The following FOXP1 variants were observed in gnomAD, a reference collection of about 807,000 sequenced individuals.
FOXP1 encodes the protein forkhead box protein P1.
A neutral mutation model predicts 98.2 loss-of-function variants in FOXP1; 15 were observed. The observed-to-expected ratio is 0.15, with a 90% CI of 0.10 to 0.24. FOXP1 has a LOEUF of 0.24. Among genes scored for constraint, FOXP1 ranks in the 10% least tolerant of loss-of-function variants. The probability of loss-of-function intolerance (pLI) is 1.00; values close to 1 mark genes in which losing one functional copy is unlikely to be tolerated. For synonymous variants in FOXP1, 371 were observed against 314.5 expected, an observed-to-expected ratio of 1.18 and a Z score of -1.90; for missense variants, 633 against 848.5, an observed-to-expected ratio of 0.75 and a Z score of 3.15.
At chr3:71,043,092 A>G (rs2048566743) in intron 10 of FOXP1, among the ~76,000 whole-genome samples, 1 of 152,166 alleles carries the variant, frequency 6.6e-6, no homozygotes, top group South Asian at 2.1e-4. Context: ...AGCGTTAACA[A>G]AAACAGTTGG....
chr3:71,071,621 C>G (rs1206205779), intron 7 of FOXP1, among the ~76,000 whole-genome samples: 2 of 152,284 alleles, frequency 1.3e-5, no homozygotes, highest in Non-Finnish European at 2.9e-5. Context: ...GTCACCCAGC[C>G]TGGAGTGCAA....
intron 5 of FOXP1, chr3:71,296,186 A>G (rs1222000818): frequency 1.3e-5 from 2 of 152,204 alleles, no homozygotes; most frequent in African/African-American, 4.8e-5. Flanking sequence ...CTTTGTAGGC[A>G]TATTTCTGTG....
intron 3 of FOXP1, among the ~76,000 whole-genome samples, chr3:71,416,584 ACACACACACGC>A (rs781543399): frequency 6.9e-5 from 9 of 130,850 alleles, no homozygotes; most frequent in Non-Finnish European, 1.3e-4. Flanking sequence ...ACACACACAC[ACACACACACGC>A]AAAAAAAAAT....
At chr3:71,582,938 G>A in intron 1 of FOXP1, 2 of 416,894 alleles carry the variant, frequency 4.8e-6, no homozygotes, top group Non-Finnish European at 6.4e-6. Flanking sequence ...GGGGCCCGCG[G>A]GGCAGCTCAA....
chr3:71,444,148 C>A (rs1449062281), intron 3 of FOXP1, among the ~76,000 whole-genome samples: 1 of 152,180 alleles, frequency 6.6e-6, no homozygotes, highest in African/African-American at 2.4e-5. Flanking sequence ...GACTGGCCTG[C>A]GCCAACCACA....
At position 71,041,426 on chromosome 3, in the gene FOXP1, T is replaced by A. The variant is rs769711833; in HGVS notation, c.771A>T (p.Thr257=). Residue 257 remains threonine (T), a synonymous_variant, in exon 11 of 21, where the codon ACA becomes ACT. Transcript: ENST00000649528. Reference sequence around the variant, plus strand: ...TGGAAGGTGCAGAGGAGGAGACACATGTCGTGGTCAGATCCAAACTGCTGT... The same window carrying A: ...TGGAAGGTGCAGAGGAGGAGACACAAGTCGTGGTCAGATCCAAACTGCTGT... The part of the protein sequence containing the change: ...NNHSSLDLTT[T]CVSSSAPSKT... The A allele has an allele frequency of 6.2e-7, 1 of 1,613,896 alleles. No individual in the cohort carries two copies. The highest frequency in any genetic ancestry group is 2.2e-5 in the East Asian group (1 of 44,870).
Position 71,070,529 on chromosome 3 carries a change from CA to C in FOXP1, c.283-16757del, listed in dbSNP as rs533379941. ...GATCCAAAAAACGGAAGAGAAAAAGCAAAAGAAGAGTACTTGCTTATCCTTT... is the reference window on the plus strand; with the variant it reads ...GATCCAAAAAACGGAAGAGAAAAAGCAAAGAAGAGTACTTGCTTATCCTTT... On this transcript the variant is annotated intron_variant, in intron 7 of 20. Transcript: ENST00000649528. 1.3e-3 allele frequency among the ~76,000 whole-genome samples: 203 copies of C among 152,240 alleles called. 2 individuals carry two copies. The highest frequency in any genetic ancestry group is 2.5e-3 in the Non-Finnish European group (173 of 68,002).
intron 5 of FOXP1, among the ~76,000 whole-genome samples, chr3:71,218,796 C>T (rs766928776): frequency 6.6e-6 from 1 of 152,196 alleles, no homozygotes; most frequent in Admixed American, 6.5e-5. Flanking sequence ...GGGGCCCCTA[C>T]TCTCAAGCAC....
At chr3:71,411,278 CGTGTGTGTGTGTGTGTGTGT>C (rs58267668) in intron 3 of FOXP1, among the ~76,000 whole-genome samples, 8 of 141,784 alleles carry the variant, frequency 5.6e-5, no homozygotes, top group Middle Eastern at 3.6e-3. Flanking sequence ...GCTGAATGGG[CGTGTGTGTGTGTGTGTGTGT>C]GTGTGTGTGT....
chr3:70,970,966 G>C (rs905014456), intron 18 of FOXP1, 161 bp from the exon 19 acceptor site: 2 of 670,414 alleles, frequency 3.0e-6, no homozygotes, highest in Admixed American at 2.1e-5. Context: ...CTGATTTGCA[G>C]GGCGGGTGTG....
chr3:71,478,591 C>A (rs901932092), intron 3 of FOXP1, among the ~76,000 whole-genome samples: 3 of 152,206 alleles, frequency 2.0e-5, no homozygotes, highest in Admixed American at 6.5e-5. Flanking sequence ...ACAGCCTGCA[C>A]TTATTTATTT....
chr3:71,382,888 C>T (rs770713198), intron 3 of FOXP1, among the ~76,000 whole-genome samples: 7 of 152,222 alleles, frequency 4.6e-5, no homozygotes, highest in Non-Finnish European at 1.0e-4. Context: ...AATCCTTTGA[C>T]GGCATCTCCT....
intron 5 of FOXP1, among the ~76,000 whole-genome samples, chr3:71,279,347 C>A (rs1351929139): frequency 6.6e-6 from 1 of 152,182 alleles, no homozygotes; most frequent in Non-Finnish European, 1.5e-5. Flanking sequence ...TAAATTAGTG[C>A]TTCTCAACTA....
At chr3:71,279,192 A>AAAAAAAAAAAAC (rs368277709) in intron 5 of FOXP1, among the ~76,000 whole-genome samples, 12 of 139,356 alleles carry the variant, frequency 8.6e-5, no homozygotes, top group South Asian at 4.6e-4. Context: ...AAAAAAAAAA[A>AAAAAAAAAAAAC]AGAAAGAAAT....
At chr3:71,148,079 T>G (rs2060396739) in intron 6 of FOXP1, among the ~76,000 whole-genome samples, 1 of 152,136 alleles carries the variant, frequency 6.6e-6, no homozygotes. Flanking sequence ...CCAGATAATA[T>G]GAAAATACAA....
At chr3:71,476,314 G>GTT (rs1387804785) in intron 3 of FOXP1, among the ~76,000 whole-genome samples, 1 of 128,414 alleles carries the variant, frequency 7.8e-6, no homozygotes, top group African/African-American at 2.9e-5. Flanking sequence ...TTTTTTTTTT[G>GTT]TTTTGTTTTT....
intron 6 of FOXP1, among the ~76,000 whole-genome samples, chr3:71,161,975 C>T (rs1471652338): frequency 6.6e-6 from 1 of 152,142 alleles, no homozygotes; most frequent in Admixed American, 6.5e-5. Context: ...GCATTATTCA[C>T]CCAAAAGGGA....
In FOXP1 at chr3:71,327,468, A is replaced by G. The variant is rs1413878379; in HGVS notation, c.-72-27588T>C. ...AGTGGTGCGATCTCAGCTCACTGCAAGCTCCGCCTCCCGGGTTCACGCCAT... is the reference window on the plus strand; with the variant it reads ...AGTGGTGCGATCTCAGCTCACTGCAGGCTCCGCCTCCCGGGTTCACGCCAT... On this transcript the variant is annotated intron_variant, in intron 4 of 20. Coordinates refer to ENST00000649528, the MANE Select transcript of FOXP1 (RefSeq NM_001349338.3). Among the ~76,000 whole-genome samples, 3 of 145,920 alleles carry G rather than the reference A, an allele frequency of 2.1e-5. No homozygotes were observed. In the East Asian group the frequency reaches 6.1e-4, roughly 30 times the overall value.
intron 3 of FOXP1, among the ~76,000 whole-genome samples, chr3:71,365,032 G>A (rs1170950555): frequency 3.9e-5 from 6 of 152,186 alleles, no homozygotes; most frequent in Middle Eastern, 3.2e-3. Context: ...CAGTAGAAAA[G>A]TAATCACATG....
Sources: gnomAD v4.1 joint callset for allele counts (sites outside exome capture counted in the v4.1 genomes callset) on GRCh38, gnomAD v4.1.1 for gene constraint, MANE v1.5 for transcripts, NCBI Gene and HGNC (gene_info 2026-07-23, HGNC 2026-07-21) for gene names.